Variants in PLEKHA7 observed in about 807,000 individuals in gnomAD.
The protein encoded by PLEKHA7 is pleckstrin homology domain-containing family A member 7.
In PLEKHA7, 104 loss-of-function variants were observed where a neutral mutation model predicts 170.0. The observed-to-expected ratio is 0.61, with a 90% CI of 0.52 to 0.72. The LOEUF is 0.72. PLEKHA7 is among the 30% of genes least tolerant of loss of function. The pLI, the probability that PLEKHA7 is intolerant of heterozygous loss-of-function variation, is 0.00. For missense variants in PLEKHA7, 1,615 were observed against 1,671.7 expected (o/e 0.97, Z 0.59); for synonymous variants, 648 against 660.8 (o/e 0.98, Z 0.30).
At chr11:16,908,849 C>T (rs1858050153) in intron 3 of PLEKHA7, among the ~76,000 whole-genome samples, 2 of 152,120 alleles carry the variant, frequency 1.3e-5, no homozygotes, top group South Asian at 4.2e-4. Flanking sequence ...TTTTGTAACG[C>T]CAGCCCTAGC....
intron 3 of PLEKHA7, among the ~76,000 whole-genome samples, chr11:17,007,434 T>G (rs1020247978): frequency 7.2e-5 from 11 of 152,122 alleles, no homozygotes; most frequent in Admixed American, 7.2e-4. Flanking sequence ...GCGTTCCTCC[T>G]GGCTCAGCCT....
At chr11:16,786,718 A>C (rs1849421157) in intron 23 of PLEKHA7, 1 of 985,326 alleles carries the variant, frequency 1.0e-6, no homozygotes, top group South Asian at 4.7e-5. Context: ...AGAGTTCTAG[A>C]GAAGGGATTT....
chr11:16,824,999 A>G (rs1766613594), intron 10 of PLEKHA7, among the ~76,000 whole-genome samples: 1 of 152,248 alleles, frequency 6.6e-6, no homozygotes, highest in Admixed American at 6.5e-5. Context: ...ACACCTGGTC[A>G]TTCTCAGTTG....
At chr11:16,876,096 C>T (rs1024777012) in intron 3 of PLEKHA7, among the ~76,000 whole-genome samples, 6 of 152,122 alleles carry the variant, frequency 3.9e-5, no homozygotes, top group Non-Finnish European at 8.8e-5. Context: ...TGGCTTTACT[C>T]GCTGTCCCTG....
At chr11:16,870,055 T>G (rs1280080690) in intron 4 of PLEKHA7, among the ~76,000 whole-genome samples, 1 of 152,212 alleles carries the variant, frequency 6.6e-6, no homozygotes, top group Non-Finnish European at 1.5e-5. Flanking sequence ...ACATCCTGCT[T>G]GGGCTGTACA....
At chr11:16,965,240 T>C (rs1862300852) in intron 3 of PLEKHA7, among the ~76,000 whole-genome samples, 2 of 151,880 alleles carry the variant, frequency 1.3e-5, no homozygotes, top group African/African-American at 2.4e-5. Context: ...CAAGAATCAC[T>C]TGAACCTGGG....
chr11:16,795,319 A>G (rs1394125435), intron 17 of PLEKHA7: 1 of 300,900 alleles, frequency 3.3e-6, no homozygotes, highest in Non-Finnish European at 6.2e-6. Context: ...TGACATACTT[A>G]GAGTAGTCAA....
chr11:16,955,694 T>C (rs976440129), intron 3 of PLEKHA7, among the ~76,000 whole-genome samples: 1 of 152,152 alleles, frequency 6.6e-6, no homozygotes, highest in African/African-American at 2.4e-5. Flanking sequence ...GAGCCAGCAG[T>C]CCACAATGGA....
chr11:16,818,442 T>C (rs1849942974), intron 10 of PLEKHA7, among the ~76,000 whole-genome samples: 1 of 152,234 alleles, frequency 6.6e-6, no homozygotes, highest in Non-Finnish European at 1.5e-5. Context: ...CCCCTTGCTC[T>C]ATTTACCCAA....
chr11:16,780,765 A>G (rs1416768850), intron 26 of PLEKHA7, among the ~76,000 whole-genome samples: 1 of 152,198 alleles, frequency 6.6e-6, no homozygotes, highest in Non-Finnish European at 1.5e-5. Context: ...GTTCCTAAAA[A>G]GCATCACTTT....
chr11:16,997,779 T>A (rs1565192918), intron 3 of PLEKHA7, among the ~76,000 whole-genome samples: 1 of 152,172 alleles, frequency 6.6e-6, no homozygotes, highest in Non-Finnish European at 1.5e-5. Context: ...CCGCATGCAG[T>A]TTGCTTCCAG....
Position 16,789,015 on chromosome 11 carries a change from G to A in PLEKHA7, c.3357+81C>T. ...ATGGACAGCTCTCTCACTGGGAGGT[G>A]TGATGTGCTTGTGTTTGGGGGACTC... is the stretch of plus-strand genomic sequence containing the variant. On this transcript the variant is annotated intron_variant, in intron 23 of 26. Coordinates refer to ENST00000531066, the MANE Select transcript of PLEKHA7 (RefSeq NM_001329630.2). The surrounding 1 kb of genome is among the most constrained non-coding windows in gnomAD (Gnocchi z 4.6). 5.4e-6 allele frequency: 8 copies of A among 1,485,642 alleles called. No homozygotes were observed. The highest frequency in any genetic ancestry group is 7.3e-6 in the Non-Finnish European group (8 of 1,102,428). The allele number at this position is 1,485,642 out of a possible 1,614,324, so 92.0% of individuals were successfully genotyped here. A position where few individuals can be genotyped will look rare whatever the true frequency, so the allele number is the denominator to read the frequency against.
At chr11:16,781,003 C>A in intron 26 of PLEKHA7, 1 of 986,236 alleles carries the variant, frequency 1.0e-6, no homozygotes, top group South Asian at 4.7e-5. Flanking sequence ...AAGGTGGCAC[C>A]GTCCTGGAAG....
intron 25 of PLEKHA7, 82 bp from the exon 26 acceptor site, chr11:16,782,978 G>C: frequency 7.0e-7 from 1 of 1,419,324 alleles, no homozygotes; most frequent in Non-Finnish European, 9.4e-7. Context: ...CTGGCCTAGA[G>C]GTTCTCAACA....
At position 16,841,541 on chromosome 11, in the gene PLEKHA7, A is replaced by G; in HGVS notation, c.872+6T>C. ...GCTGTGGCAGGGACCCTCCATCAGA[A>G]CTAACCTCTTCAGTGACGATCGAGA... On this transcript the variant is annotated splice_donor_region_variant and intron_variant, in intron 9 of 26. Coordinates refer to ENST00000531066, the MANE Select transcript of PLEKHA7 (RefSeq NM_001329630.2). 6.2e-7 allele frequency: 1 copy of G among 1,612,198 alleles called. No homozygotes were observed. Among genetic ancestry groups the G allele is most frequent in the Non-Finnish European group, 8.5e-7 (1 of 1,179,498 alleles).
chr11:16,795,189 A>G (rs1273737852), intron 17 of PLEKHA7, 171 bp from the exon 18 acceptor site: 2 of 588,780 alleles, frequency 3.4e-6, no homozygotes, highest in East Asian at 2.8e-5. Flanking sequence ...GTAAGCATAG[A>G]CAAGGAAAAT....
intron 3 of PLEKHA7, among the ~76,000 whole-genome samples, chr11:17,000,166 C>G (rs1864580586): frequency 6.6e-6 from 1 of 152,186 alleles, no homozygotes; most frequent in Admixed American, 6.5e-5. Flanking sequence ...TCACTGTAAC[C>G]TCTGTCTCCC....
chr11:16,871,033 T>G lies in PLEKHA7; in HGVS notation c.305+66A>C, dbSNP rs528172054. On this transcript the variant is annotated intron_variant, in intron 4 of 26. Transcript: ENST00000531066. ...AGAGAAAACAGTCCAGTAAGTTTTG[T>G]TTTCAGCAAATGCCTTTAGTCTCCC... 77 of 1,332,372 alleles carry G rather than the reference T, an allele frequency of 5.8e-5. No individual in the cohort carries two copies. The African/African-American group carries it at 1.1e-3, about 19-fold the overall frequency. The allele number at this position is 1,332,372 out of a possible 1,614,324, so 82.5% of individuals were successfully genotyped here. A position where few individuals can be genotyped will look rare whatever the true frequency, so the allele number is the denominator to read the frequency against.
intron 4 of PLEKHA7, among the ~76,000 whole-genome samples, chr11:16,869,573 T>A (rs1375265360): frequency 6.6e-6 from 1 of 152,250 alleles, no homozygotes; most frequent in Non-Finnish European, 1.5e-5. Context: ...GCTTTCTAGC[T>A]TTAAACGTAC....
Sources: gnomAD v4.1 joint callset for allele counts (sites outside exome capture counted in the v4.1 genomes callset) on GRCh38, gnomAD v4.1.1 for gene constraint, Gnocchi (gnomAD v3.1) non-coding constraint, MANE v1.5 for transcripts, NCBI Gene and HGNC (gene_info 2026-07-23, HGNC 2026-07-21) for gene names.